Variants in CASC3 observed in about 807,000 individuals in gnomAD.
CASC3 encodes the protein CASC3 exon junction complex subunit.
Under a neutral mutation model 80.5 loss-of-function variants are expected in CASC3, and 30 were observed. The ratio of observed to expected loss-of-function variants is 0.37; its 90% CI spans 0.28 to 0.51. The LOEUF (loss-of-function observed/expected upper bound fraction) is 0.51, where lower values mean the gene tolerates loss of function less well. Ranked by LOEUF, CASC3 falls within the 20% of genes least tolerant of loss-of-function variation. The pLI, the probability that CASC3 is intolerant of heterozygous loss-of-function variation, is 0.94. For synonymous variants in CASC3, 312 were observed against 333.6 expected, an observed-to-expected ratio of 0.94 and a Z score of 0.70; for missense variants, 824 against 922.2, an observed-to-expected ratio of 0.89 and a Z score of 1.38.
intron 3 of CASC3, among the ~76,000 whole-genome samples, chr17:40,144,438 G>A (rs1057453704): frequency 1.7e-4 from 25 of 149,802 alleles, no homozygotes; most frequent in African/African-American, 2.9e-4. Flanking sequence ...TCCACCTCCC[G>A]GGTTCAAGCG....
At chr17:40,169,147 A>G (rs374627743) in intron 11 of CASC3, 177 bp from the exon 12 acceptor site, 110 of 628,132 alleles carry the variant, frequency 1.8e-4, no homozygotes, top group Non-Finnish European at 2.4e-4. Flanking sequence ...CCAGAGCATA[A>G]TAATGAAGAA....
chr17:40,170,358 A>T, intron 13 of CASC3, 89 bp from the exon 14 acceptor site: 3 of 853,864 alleles, frequency 3.5e-6, no homozygotes, highest in Non-Finnish European at 1.4e-6. Flanking sequence ...CACATTATTT[A>T]GAAGTGTGGC....
chr17:40,145,598 G>C (rs917192700), intron 3 of CASC3, among the ~76,000 whole-genome samples: 2 of 152,006 alleles, frequency 1.3e-5, no homozygotes, highest in African/African-American at 2.4e-5. Context: ...AAGACAAATT[G>C]GTGAGCAGGG....
chr17:40,160,424 G>A (rs1273206478), intron 3 of CASC3, among the ~76,000 whole-genome samples: 1 of 151,938 alleles, frequency 6.6e-6, no homozygotes, highest in African/African-American at 2.4e-5. Flanking sequence ...GAGCCCAGGA[G>A]ATTGAGATTG....
intron 13 of CASC3, among the ~76,000 whole-genome samples, chr17:40,170,019 G>A (rs1219352645): frequency 1.3e-5 from 2 of 152,076 alleles, no homozygotes; most frequent in Admixed American, 1.3e-4. Context: ...GCCTCCCAAA[G>A]TGTTGGGATT....
chr17:40,168,768 C>G, intron 11 of CASC3: 1 of 287,868 alleles, frequency 3.5e-6, no homozygotes, highest in South Asian at 3.3e-5. Flanking sequence ...TTTTGTATTT[C>G]TAGTAGAGAT....
Position 40,162,812 on chromosome 17 carries a change from C to T in CASC3, c.696C>T (p.Ser232=). 6.2e-7 allele frequency: 1 copy of T among 1,614,098 alleles called. No homozygotes were observed. The highest frequency in any genetic ancestry group is 1.1e-5 in the South Asian group (1 of 91,082). Residue 232 remains serine, a synonymous_variant, in exon 6 of 14, where the codon TCC becomes TCT. Coordinates refer to ENST00000264645, the MANE Select transcript of CASC3 (RefSeq NM_007359.5). ...KFREDEQAPK[S]RQELIALYGY... Reference sequence around the variant, plus strand: ...GGGAAGATGAGCAGGCCCCAAAGTCCCGACAGGAGCTCATTGCTCTTTATG... The same window carrying T: ...GGGAAGATGAGCAGGCCCCAAAGTCTCGACAGGAGCTCATTGCTCTTTATG...
chr17:40,169,742 C>CT lies in CASC3; in HGVS notation c.*41+111dup, dbSNP rs56186811. ...ATAAACAAAAATCACTTAATTAATG[C>CT]TTTTTTTTTTTTTTTTTTTTTTTTT... is the stretch of plus-strand genomic sequence containing the variant. On this transcript the variant is annotated intron_variant, in intron 13 of 13. Coordinates refer to ENST00000264645, the MANE Select transcript of CASC3 (RefSeq NM_007359.5). The CT allele has an allele frequency of 5.9e-3, 571 of 96,466 alleles. 103 individuals are homozygous for CT. The highest frequency in any genetic ancestry group is 8.3e-3 in the South Asian group (99 of 11,916). The allele number at this position is 96,466 out of a possible 1,614,324, so 6.0% of individuals were successfully genotyped here. A position where few individuals can be genotyped will look rare whatever the true frequency, so the allele number is the denominator to read the frequency against.
chr17:40,161,898 G>C lies in CASC3; in HGVS notation c.443G>C (p.Ser148Thr). Residue 148 changes from serine (S) to threonine (T), a missense_variant, in exon 4 of 14, where the codon AGT becomes ACT. Ser to Thr is a moderately conservative substitution (Grantham distance 58, BLOSUM62 1). Around this residue, in one of 3 missense-constraint regions of CASC3, gnomAD observed 201 missense variants for 294.1 expected, o/e 0.68. Coordinates refer to ENST00000264645, the MANE Select transcript of CASC3 (RefSeq NM_007359.5). Reference protein sequence around the residue: ...TKSTVTGERQSGDGQESTEPV... With the variant: ...TKSTVTGERQTGDGQESTEPV... ...AGCACTGTGACTGGAGAGAGGCAAA[G>C]TGGGGACGGACAGGTTAGTACATTC... 6.2e-7 allele frequency: 1 copy of C among 1,614,202 alleles called. No individual in the cohort carries two copies. The highest frequency in any genetic ancestry group is 8.5e-7 in the Non-Finnish European group (1 of 1,180,042).
At chr17:40,148,680 T>C (rs1988919590) in intron 3 of CASC3, among the ~76,000 whole-genome samples, 1 of 152,038 alleles carries the variant, frequency 6.6e-6, no homozygotes, top group African/African-American at 2.4e-5. Context: ...TTGTAAGTGC[T>C]GTTCTCAGTT....
intron 3 of CASC3, among the ~76,000 whole-genome samples, chr17:40,147,470 C>T (rs1205727515): frequency 1.3e-5 from 2 of 151,886 alleles, no homozygotes; most frequent in African/African-American, 2.4e-5. Context: ...AAAATCCTGT[C>T]TCTACAAAAG....
chr17:40,151,711 AAAAG>A (rs1428988837), intron 3 of CASC3, among the ~76,000 whole-genome samples: 12 of 151,620 alleles, frequency 7.9e-5, no homozygotes, highest in South Asian at 2.1e-4. Flanking sequence ...AAAAAAAAAA[AAAAG>A]GAAGGAAGAA....
intron 3 of CASC3, among the ~76,000 whole-genome samples, chr17:40,145,885 T>G (rs1988849110): frequency 6.6e-6 from 1 of 151,822 alleles, no homozygotes; most frequent in Non-Finnish European, 1.5e-5. Context: ...CCGGTCTTGG[T>G]TTTTCAAAGT....
At position 40,171,847 on chromosome 17, in the gene CASC3, G is replaced by A. The variant is rs886779355; in HGVS notation, c.*1442G>A. On this transcript the variant is annotated 3_prime_UTR_variant, in exon 14 of 14. Transcript: ENST00000264645. ...GGCCTAATCACTCTGAGTCACAGGTGTGGGATGGAGAGTGGGGAGAGGCAC... is the reference window on the plus strand; with the variant it reads ...GGCCTAATCACTCTGAGTCACAGGTATGGGATGGAGAGTGGGGAGAGGCAC... 1.0e-5 allele frequency: 12 copies of A among 1,191,442 alleles called. No homozygotes were observed. The highest frequency in any genetic ancestry group is 1.3e-5 in the Non-Finnish European group (12 of 943,494). 73.8% of individuals were successfully genotyped at this position (1,191,442 alleles called of 1,614,324 possible).
chr17:40,156,456 A>T (rs1243400613), intron 3 of CASC3, among the ~76,000 whole-genome samples: 2 of 151,802 alleles, frequency 1.3e-5, no homozygotes, highest in South Asian at 4.2e-4. Context: ...GGAGGCCGAG[A>T]CAGGCGGATC....
chr17:40,142,835 A>G (rs1334034435), intron 3 of CASC3, among the ~76,000 whole-genome samples: 1 of 152,076 alleles, frequency 6.6e-6, no homozygotes, highest in Non-Finnish European at 1.5e-5. Flanking sequence ...CGGGAGGCGG[A>G]GCTTGCAGTG....
At chr17:40,158,860 A>G (rs1989218651) in intron 3 of CASC3, among the ~76,000 whole-genome samples, 1 of 152,164 alleles carries the variant, frequency 6.6e-6, no homozygotes, top group African/African-American at 2.4e-5. Context: ...GCAGAAAACC[A>G]GTACTCATAG....
chr17:40,168,666 C>T, intron 11 of CASC3: 2 of 445,968 alleles, frequency 4.5e-6, no homozygotes, highest in Non-Finnish European at 8.2e-6. Context: ...TCTCGGTTCA[C>T]TGTAACCTCC....
Position 40,171,640 on chromosome 17 carries a change from T to A in CASC3, c.*1235T>A. ...CAAGGGCTCCTATCTTTCCTCCCTA[T>A]CCATGGCACTAAACCACTTCTCTGC... is the stretch of plus-strand genomic sequence containing the variant. On this transcript the variant is annotated 3_prime_UTR_variant, in exon 14 of 14. Transcript: ENST00000264645. 1.0e-6 allele frequency: 1 copy of A among 1,000,498 alleles called. No individual in the cohort carries two copies. Among genetic ancestry groups the A allele is most frequent in the South Asian group, 4.4e-5 (1 of 22,742 alleles). The allele number at this position is 1,000,498 out of a possible 1,614,324, so 62.0% of individuals were successfully genotyped here. A position where few individuals can be genotyped will look rare whatever the true frequency, so the allele number is the denominator to read the frequency against.
Sources: allele counts gnomAD v4.1 joint callset (sites outside exome capture counted in the v4.1 genomes callset), GRCh38; gene constraint gnomAD v4.1.1; regional missense constraint gnomAD v4.1.1; transcripts MANE v1.5; gene names NCBI Gene and HGNC (gene_info 2026-07-23, HGNC 2026-07-21).